Variants in ATP2B2 observed in about 807,000 individuals in gnomAD.
The protein encoded by ATP2B2 is plasma membrane calcium-transporting ATPase 2.
In ATP2B2, 15 loss-of-function variants were observed where a neutral mutation model predicts 120.0. That is an observed-to-expected ratio of 0.12 (90% CI 0.08 to 0.19). The LOEUF (loss-of-function observed/expected upper bound fraction) is 0.19. ATP2B2 is among the 10% of genes least tolerant of loss of function. ATP2B2 has a pLI of 1.00. For missense variants in ATP2B2, 1,045 were observed against 1,719.8 expected, an observed-to-expected ratio of 0.61 and a Z score of 6.94; for synonymous variants, 694 against 700.3, an observed-to-expected ratio of 0.99 and a Z score of 0.14.
At chr3:10,472,030 G>A (rs1361953927) in intron 1 of ATP2B2, among the ~76,000 whole-genome samples, 8 of 146,382 alleles carry the variant, frequency 5.5e-5, no homozygotes, top group East Asian at 4.1e-4. Context: ...GGAGTGAGCC[G>A]AGATTGCGCC....
At chr3:10,339,451 G>A (rs2060214806) in intron 21 of ATP2B2, among the ~76,000 whole-genome samples, 4 of 152,206 alleles carry the variant, frequency 2.6e-5, no homozygotes. Flanking sequence ...AGGCCCCTTA[G>A]GCCCTGAGTT....
rs1212238638 is a variant in ATP2B2 at position 10,328,203 on chromosome 3, A to G, written c.*611T>C. On this transcript the variant is annotated 3_prime_UTR_variant, in exon 23 of 23. Coordinates refer to ENST00000360273, the MANE Select transcript of ATP2B2 (RefSeq NM_001001331.4). The stretch of plus-strand genomic sequence containing the variant: ...TATACGTTGATATAGATACAAAGAA[A>G]TGGATATAACCTTGTGAGTGTCTAT... 3.9e-5 allele frequency: 6 copies of G among 152,728 alleles called. No homozygotes were observed. The East Asian group carries it at 1.2e-3, about 29-fold the overall frequency. 9.5% of individuals were successfully genotyped at this position (152,728 alleles called of 1,614,324 possible).
chr3:10,424,656 C>A (rs547974513), intron 2 of ATP2B2, among the ~76,000 whole-genome samples: 25 of 152,118 alleles, frequency 1.6e-4, no homozygotes, highest in Admixed American at 3.9e-4. Context: ...CTTTGGAAAG[C>A]GAGTGGGCTA....
In ATP2B2 at chr3:10,449,838, T is replaced by C; in HGVS notation, c.-295A>G. 2.1e-6 allele frequency: 1 copy of C among 472,136 alleles called. No individual in the cohort carries two copies. The highest frequency in any genetic ancestry group is 2.0e-5 in the South Asian group (1 of 49,086). The allele number at this position is 472,136 out of a possible 1,614,324, so 29.2% of individuals were successfully genotyped here. A position where few individuals can be genotyped will look rare whatever the true frequency, so the allele number is the denominator to read the frequency against. On this transcript the variant is annotated 5_prime_UTR_variant, in exon 2 of 23. An upstream start codon of the reference 5' UTR is lost. Coordinates refer to ENST00000360273, the MANE Select transcript of ATP2B2 (RefSeq NM_001001331.4). ...CCCATGCTGCTCCCTGGAACTGGCATCTACATGGTCAGGGGTGGTGGCTCC... is the reference window on the plus strand; with the variant it reads ...CCCATGCTGCTCCCTGGAACTGGCACCTACATGGTCAGGGGTGGTGGCTCC...
upstream of ATP2B2, among the ~76,000 whole-genome samples, chr3:10,508,886 T>A (rs1029285720): frequency 1.2e-4 from 18 of 152,212 alleles, no homozygotes; most frequent in African/African-American, 4.3e-4. Context: ...GCCTCCAGCA[T>A]GATTTGGCTT....
intron 1 of ATP2B2, among the ~76,000 whole-genome samples, chr3:10,697,740 C>T (rs1291063644): frequency 1.3e-5 from 2 of 152,242 alleles, no homozygotes; most frequent in African/African-American, 4.8e-5. Context: ...TTCCTATGCT[C>T]TCTGAAGTAC....
chr3:10,411,832 T>C (rs2062621776), intron 2 of ATP2B2, among the ~76,000 whole-genome samples: 1 of 152,204 alleles, frequency 6.6e-6, no homozygotes, highest in African/African-American at 2.4e-5. Context: ...CTTTCTCCTC[T>C]TCTGGACAAG....
At chr3:10,390,498 T>TTGTGTGTGTG (rs61552990) in intron 5 of ATP2B2, among the ~76,000 whole-genome samples, 2 of 148,206 alleles carry the variant, frequency 1.3e-5, no homozygotes, top group African/African-American at 5.0e-5. Flanking sequence ...GTGCATGCTT[T>TTGTGTGTGTG]TGTGTGTGTG....
chr3:10,529,926 C>T (rs529085861), intron 3 of ATP2B2, among the ~76,000 whole-genome samples: 4 of 152,218 alleles, frequency 2.6e-5, no homozygotes, highest in East Asian at 1.9e-4. Context: ...CAAAGATGGC[C>T]GGCGAACCAC....
intron 1 of ATP2B2, among the ~76,000 whole-genome samples, chr3:10,494,626 C>G (rs6809961): frequency 0.021 from 3,144 of 152,272 alleles, 102 homozygotes; most frequent in African/African-American, 0.071. Context: ...ACACACTGCT[C>G]AAAGGACACT....
intron 1 of ATP2B2, among the ~76,000 whole-genome samples, chr3:10,488,463 A>ATTCATTCATTCCTTCCTTCC (rs1398194870): frequency 1.0e-5 from 1 of 95,746 alleles, no homozygotes; most frequent in South Asian, 5.1e-4. Context: ...CACCCTACAA[A>ATTCATTCATTCCTTCCTTCC]TTCCTTCCTT....
At chr3:10,626,952 A>C (rs2069721585) in intron 1 of ATP2B2, 1 of 152,032 alleles carries the variant, frequency 6.6e-6, no homozygotes, top group Non-Finnish European at 1.5e-5. Flanking sequence ...AGGCAAACAT[A>C]AATGACACTG....
intron 1 of ATP2B2, among the ~76,000 whole-genome samples, chr3:10,692,600 C>G (rs1283214445): frequency 6.6e-6 from 1 of 152,168 alleles, no homozygotes; most frequent in Non-Finnish European, 1.5e-5. Context: ...TTATGATCCT[C>G]TGATGGGAAC....
At chr3:10,444,992 CCCGGA>C (rs1254935226) in intron 2 of ATP2B2, among the ~76,000 whole-genome samples, 1 of 152,232 alleles carries the variant, frequency 6.6e-6, no homozygotes, top group Non-Finnish European at 1.5e-5. Context: ...CTCTAGGCCT[CCCGGA>C]CCACCTGGCA....
chr3:10,554,138 T>G (rs936444755), intron 2 of ATP2B2, among the ~76,000 whole-genome samples: 5 of 152,060 alleles, frequency 3.3e-5, no homozygotes, highest in African/African-American at 1.2e-4. Context: ...ATTAACCCCA[T>G]GTATGGCGCT....
intron 3 of ATP2B2, among the ~76,000 whole-genome samples, chr3:10,403,118 G>A (rs769901113): frequency 6.6e-6 from 1 of 152,116 alleles, no homozygotes; most frequent in Non-Finnish European, 1.5e-5. Flanking sequence ...GCCCTTCCCC[G>A]GCTTCAGTGG....
intron 2 of ATP2B2, among the ~76,000 whole-genome samples, chr3:10,617,424 C>G (rs1402575844): frequency 6.6e-6 from 1 of 152,172 alleles, no homozygotes; most frequent in African/African-American, 2.4e-5. Context: ...AAAGTGACAG[C>G]CATCCCCGGC....
chr3:10,336,394 A>G, intron 22 of ATP2B2: 1 of 1,214,192 alleles, frequency 8.2e-7, no homozygotes, highest in Non-Finnish European at 1.2e-6. Context: ...AGCCGCAGCC[A>G]CGGCAACAAC....
chr3:10,582,894 T>C lies in ATP2B2; in HGVS notation c.-415+37023A>G, dbSNP rs146051904. On this transcript the variant is annotated intron_variant, in intron 2 of 21. Transcript: ENST00000646379. ...ATGCATTCTGCATCTACCAGCAGCA[T>C]AGATTGCTTACCCTGGCAGTTCTGT... Among the ~76,000 whole-genome samples, 7 of 152,358 alleles carry C rather than the reference T, an allele frequency of 4.6e-5. No individual in the cohort carries two copies. In the East Asian group the frequency reaches 1.2e-3, roughly 25 times the overall value.
Sources: gnomAD v4.1 joint callset for allele counts (sites outside exome capture counted in the v4.1 genomes callset) on GRCh38, gnomAD v4.1.1 for gene constraint, MANE v1.5 for transcripts, NCBI Gene and HGNC (gene_info 2026-07-23, HGNC 2026-07-21) for gene names.